Variants in TBCD observed in about 807,000 individuals in gnomAD.
TBCD encodes tubulin folding cofactor D, also known as tubulin-specific chaperone D.
In TBCD, 105 loss-of-function variants were observed where a neutral mutation model predicts 169.3. That is an observed-to-expected ratio of 0.62 (90% CI 0.53 to 0.73). The LOEUF is 0.73. Ranked by LOEUF, TBCD falls within the 30% of genes least tolerant of loss-of-function variation. The pLI is 0.00. For missense variants in TBCD, 1,444 were observed against 1,600.1 expected (o/e 0.90, Z 1.66); for synonymous variants, 700 against 643.9 (o/e 1.09, Z -1.32).
rs1256894621 is a variant in TBCD, at chr17:82,833,913, G to A, written c.1318+18979G>A. Among the ~76,000 whole-genome samples the A allele has an allele frequency of 1.3e-5, 2 of 152,038 alleles. No individual in the cohort carries two copies. Among genetic ancestry groups the A allele is most frequent in the African/African-American group, 4.8e-5 (2 of 41,402 alleles). On this transcript the variant is annotated intron_variant, in intron 13 of 38. Transcript: ENST00000355528. This position sits in a 1 kb window ranked among gnomAD's most constrained non-coding sequence, Gnocchi z 4.7. ...TACCAGCCTCAGGTTTCCTTCAGAGGCTGTGCCGCACGCCCAAGGCTGAGA... is the reference window on the plus strand; with the variant it reads ...TACCAGCCTCAGGTTTCCTTCAGAGACTGTGCCGCACGCCCAAGGCTGAGA...
chr17:82,861,159 G>A (rs1217669754), intron 13 of TBCD, among the ~76,000 whole-genome samples: 11 of 152,178 alleles, frequency 7.2e-5, no homozygotes, highest in Admixed American at 7.2e-4. Flanking sequence ...GCACGGCCTC[G>A]CACCAGCGGC....
At chr17:82,807,522 G>A (rs1181133460) in intron 10 of TBCD, 86 bp from the exon 11 acceptor site, 6 of 944,690 alleles carry the variant, frequency 6.4e-6, no homozygotes, top group Non-Finnish European at 8.7e-6. Flanking sequence ...TGTGCACTGA[G>A]TAGCGTACAG....
intron 19 of TBCD, 87 bp from the exon 20 acceptor site, chr17:82,905,849 C>G: frequency 9.3e-7 from 1 of 1,071,232 alleles, no homozygotes; most frequent in Middle Eastern, 2.6e-4. Context: ...GCCTGCCCTC[C>G]CGGCCCTGTG....
At chr17:82,857,476 T>C (rs942751803) in intron 13 of TBCD, among the ~76,000 whole-genome samples, 1 of 152,236 alleles carries the variant, frequency 6.6e-6, no homozygotes, top group Non-Finnish European at 1.5e-5. Context: ...TTCACCATTG[T>C]TTTAATTCCC....
rs761924395 is a variant in TBCD, at chr17:82,831,355, G to A, written c.1318+16421G>A. The A allele has an allele frequency of 3.2e-5, 52 of 1,614,156 alleles. No individual in the cohort carries two copies. In the South Asian group the frequency reaches 5.1e-4, roughly 16 times the overall value. On this transcript the variant is annotated intron_variant, in intron 13 of 38. Transcript: ENST00000355528. The surrounding 1 kb of genome is among the most constrained non-coding windows in gnomAD (Gnocchi z 4.6). ...GACGTGTTTTCTGTTGGGGTCCGAA[G>A]GGTTTAACCTGGAAGGACTCGAGGC...
At chr17:82,881,192 G>A (rs1567947955) in intron 14 of TBCD, among the ~76,000 whole-genome samples, 2 of 152,214 alleles carry the variant, frequency 1.3e-5, no homozygotes, top group Admixed American at 6.5e-5. Context: ...CTCTCGGCCC[G>A]GTGGTGAGCT....
Position 82,831,951 on chromosome 17 carries a change from G to T in TBCD, c.1318+17017G>T, listed in dbSNP as rs755072404. 6.2e-7 allele frequency: 1 copy of T among 1,614,052 alleles called. No individual in the cohort carries two copies. The highest frequency in any genetic ancestry group is 8.5e-7 in the Non-Finnish European group (1 of 1,179,926). ...CGGCGTTGTCTGGCCCCTTGAGTCT[G>T]TGCTCGCCGACTGGAACAAATGCAG... On this transcript the variant is annotated intron_variant, in intron 13 of 38. Transcript: ENST00000355528. The surrounding 1 kb of genome is among the most constrained non-coding windows in gnomAD (Gnocchi z 4.6).
intron 6 of TBCD, among the ~76,000 whole-genome samples, chr17:82,777,331 C>T (rs2144202165): frequency 6.6e-6 from 1 of 152,190 alleles, no homozygotes; most frequent in East Asian, 1.9e-4. Context: ...TGGGTTTCTC[C>T]CTGTGTGTGG....
chr17:82,937,179 A>C lies in TBCD; in HGVS notation c.3192-92A>C, dbSNP rs894857382. The C allele has an allele frequency of 9.4e-6, 11 of 1,167,338 alleles. No individual in the cohort carries two copies. In the African/African-American group the frequency reaches 1.7e-4, roughly 18 times the overall value. The allele number at this position is 1,167,338 out of a possible 1,614,324, so 72.3% of individuals were successfully genotyped here. ...AGGCTTCTTGGACTGAGCCACTGGG[A>C]GGACGGAGTTGACCTTCTTTGAGAC... On this transcript the variant is annotated intron_variant, in intron 34 of 38. Coordinates refer to ENST00000355528, the MANE Select transcript of TBCD (RefSeq NM_005993.5).
intron 1 of TBCD, among the ~76,000 whole-genome samples, 173 bp from the exon 2 acceptor site, chr17:82,755,992 T>TCCCTCCAGGTGGCCTGTGTGGCCTC (rs1230252228): frequency 6.6e-6 from 1 of 152,068 alleles, no homozygotes; most frequent in African/African-American, 2.4e-5. Context: ...GGTGGGGCAT[T>TCCCTCCAGGTGGCCTGTGTGGCCTC]CCCTCCAGGT....
chr17:82,914,603 AGCTGCCCAT>A (rs137868346), intron 23 of TBCD, among the ~76,000 whole-genome samples: 1,897 of 152,204 alleles, frequency 0.012, 38 homozygotes, highest in African/African-American at 0.044. Context: ...TCCCGTGGAA[AGCTGCCCAT>A]GCTGCCCACG....
chr17:82,835,974 A>G lies in TBCD; in HGVS notation c.1318+21040A>G, dbSNP rs9897676. On this transcript the variant is annotated intron_variant, in intron 13 of 38. Transcript: ENST00000355528. This position sits in a 1 kb window ranked among gnomAD's most constrained non-coding sequence, Gnocchi z 4.5. ...GTGTCGGGTGACACCCTGGGCTCAG[A>G]CCCCGCGCTCAGCACCCGTCTCCCA... Among the ~76,000 whole-genome samples the G allele has an allele frequency of 0.45, 68,629 of 151,992 alleles. 15,590 individuals are homozygous for G. Among genetic ancestry groups the G allele is most frequent in the East Asian group, 0.54 (2,783 of 5,154 alleles).
chr17:82,925,074 G>A lies in TBCD; in HGVS notation c.2379+17G>A, dbSNP rs765927648. ...CTCCAGCAGGTGAGGCTGGCCACGC[G>A]CAGTGGACGGGGCCTAGGGCGAGGG... On this transcript the variant is annotated intron_variant, in intron 27 of 38. Transcript: ENST00000355528. 1.2e-5 allele frequency: 19 copies of A among 1,537,930 alleles called. No homozygotes were observed. The highest frequency in any genetic ancestry group is 1.5e-5 in the Non-Finnish European group (17 of 1,138,486).
chr17:82,854,800 G>A (rs566759720), intron 13 of TBCD, among the ~76,000 whole-genome samples: 9 of 152,278 alleles, frequency 5.9e-5, no homozygotes, highest in Admixed American at 3.3e-4. Context: ...AAAGCTACAC[G>A]TGAAATTTCT....
rs1368582934 is a variant in TBCD at position 82,832,525 on chromosome 17, G to A, written c.1318+17591G>A. 5.7e-6 allele frequency: 8 copies of A among 1,403,804 alleles called. No individual in the cohort carries two copies. The highest frequency in any genetic ancestry group is 8.0e-6 in the Non-Finnish European group (8 of 1,004,490). The allele number at this position is 1,403,804 out of a possible 1,614,324, so 87.0% of individuals were successfully genotyped here. On this transcript the variant is annotated intron_variant, in intron 13 of 38. Coordinates refer to ENST00000355528, the MANE Select transcript of TBCD (RefSeq NM_005993.5). The surrounding 1 kb of genome is among the most constrained non-coding windows in gnomAD (Gnocchi z 4.9). Reference sequence around the variant, plus strand: ...ACTGTCGACGCCGCGTGCACTTCGTGGTTTCTAAAGAGGCACCTCCCGCTT... The same window carrying A: ...ACTGTCGACGCCGCGTGCACTTCGTAGTTTCTAAAGAGGCACCTCCCGCTT...
chr17:82,844,448 C>T (rs957700005), intron 13 of TBCD, among the ~76,000 whole-genome samples: 3 of 152,046 alleles, frequency 2.0e-5, no homozygotes, highest in Non-Finnish European at 4.4e-5. Flanking sequence ...CCCAGTGCTC[C>T]TTGGGTTAGG....
chr17:82,772,923 A>AC (rs1288978747), intron 6 of TBCD, among the ~76,000 whole-genome samples: 4 of 151,372 alleles, frequency 2.6e-5, no homozygotes, highest in Non-Finnish European at 4.4e-5. Flanking sequence ...TATTAACTGC[A>AC]CCCCCCGTGT....
At chr17:82,772,142 T>G (rs2048342993) in intron 5 of TBCD, among the ~76,000 whole-genome samples, 1 of 152,190 alleles carries the variant, frequency 6.6e-6, no homozygotes, top group Admixed American at 6.5e-5. Context: ...GATTCTTTGT[T>G]ACAATTGGGT....
chr17:82,762,221 C>G (rs1305163097), intron 2 of TBCD, among the ~76,000 whole-genome samples: 1 of 145,886 alleles, frequency 6.9e-6, no homozygotes, highest in East Asian at 2.1e-4. Context: ...GAGGCTGAGG[C>G]AGGAAAATTG....
Sources: allele counts gnomAD v4.1 joint callset (sites outside exome capture counted in the v4.1 genomes callset), GRCh38; gene constraint gnomAD v4.1.1; non-coding constraint Gnocchi (gnomAD v3.1); transcripts MANE v1.5; gene names NCBI Gene and HGNC (gene_info 2026-07-23, HGNC 2026-07-21).